The following DISP1 variants were observed in gnomAD, a reference collection of about 807,000 sequenced individuals.
DISP1 encodes the protein protein dispatched homolog 1.
Under a neutral mutation model 37.3 loss-of-function variants are expected in DISP1, and 30 were observed. That is an observed-to-expected ratio of 0.80 (90% confidence interval 0.60 to 1.09). DISP1 has a LOEUF of 1.09. Among genes scored for constraint, DISP1 ranks in the 50% least tolerant of loss-of-function variants. The probability of loss-of-function intolerance (pLI) is 0.00; values close to 1 mark genes in which losing one functional copy is unlikely to be tolerated. For missense variants in DISP1, 1,598 were observed against 1,879.5 expected (o/e 0.85, Z 2.77); for synonymous variants, 634 against 690.2 (o/e 0.92, Z 1.28).
intron 3 of DISP1, among the ~76,000 whole-genome samples, chr1:222,951,233 A>G (rs1284910317): frequency 6.6e-6 from 1 of 152,150 alleles, no homozygotes; most frequent in Non-Finnish European, 1.5e-5. Flanking sequence ...TTATGACTGT[A>G]TAATTTTTAT....
Position 223,005,901 on chromosome 1 carries a change from G to A in DISP1, c.4504G>A (p.Glu1502Lys). The A allele has an allele frequency of 6.2e-7, 1 of 1,614,168 alleles. No homozygotes were observed. The highest frequency in any genetic ancestry group is 8.5e-7 in the Non-Finnish European group (1 of 1,180,048). ...NSVDCQMPNMEANVPAVLTHS... is the reference protein window; with the variant it reads ...NSVDCQMPNMKANVPAVLTHS... ...TGTGGACTGTCAAATGCCAAACATG[G>A]AAGCCAATGTGCCTGCTGTATTAAC... The change falls in exon 9 of 9, where the codon GAA becomes AAA. Residue 1502 changes from glutamate (E) to lysine (K), a missense_variant. Physicochemically the swap from Glu to Lys is moderately conservative, Grantham distance 56. Transcript: ENST00000675850.
rs76432300 is a variant in DISP1, at chr1:222,917,898, G to A, written c.-158-10532G>A. On this transcript the variant is annotated intron_variant, in intron 1 of 8. Transcript: ENST00000675850. ...GCCTATTTGGTAGTTGATCCAAGGG[G>A]ACTAAAGTGGGAAAATGTCATAAGT... 7.6e-3 allele frequency among the ~76,000 whole-genome samples: 1,150 copies of A among 152,238 alleles called. 6 individuals are homozygous for A. The highest frequency in any genetic ancestry group is 0.013 in the Non-Finnish European group (901 of 68,026).
At chr1:222,877,002 T>C (rs758232051) in intron 1 of DISP1, among the ~76,000 whole-genome samples, 6 of 152,186 alleles carry the variant, frequency 3.9e-5, no homozygotes, top group Non-Finnish European at 8.8e-5. Context: ...TATGAACATG[T>C]TGTGAAAACA....
At position 222,856,893 on chromosome 1, in the gene DISP1, G is replaced by A. The variant is rs147483940; in HGVS notation, c.-159+41815G>A. Reference sequence around the variant, plus strand: ...TACTTTTTGTATTTTAAGTAGAGATGGGGTTTCACCATGTTGGCCAGGCTA... The same window carrying A: ...TACTTTTTGTATTTTAAGTAGAGATAGGGTTTCACCATGTTGGCCAGGCTA... On this transcript the variant is annotated intron_variant, in intron 1 of 8. Coordinates refer to ENST00000675850, the MANE Select transcript of DISP1 (RefSeq NM_001377229.1). Among the ~76,000 whole-genome samples the A allele has an allele frequency of 1.4e-3, 213 of 151,894 alleles. 1 individual carries two copies. Among genetic ancestry groups the A allele is most frequent in the African/African-American group, 4.9e-3 (205 of 41,446 alleles).
intron 1 of DISP1, chr1:222,827,238 G>A (rs1448507272): frequency 6.6e-6 from 1 of 152,132 alleles, no homozygotes; most frequent in East Asian, 1.9e-4. Context: ...GCCATTTGAA[G>A]TTTGTCTTAG....
chr1:222,836,458 T>A (rs1667064614), intron 1 of DISP1, among the ~76,000 whole-genome samples: 1 of 152,164 alleles, frequency 6.6e-6, no homozygotes, highest in South Asian at 2.1e-4. Flanking sequence ...AGACAAACTT[T>A]ATTTTCACTG....
At chr1:222,919,554 T>C (rs1672698171) in intron 1 of DISP1, among the ~76,000 whole-genome samples, 1 of 152,170 alleles carries the variant, frequency 6.6e-6, no homozygotes, top group South Asian at 2.1e-4. Flanking sequence ...AAACAGTTGC[T>C]TTTGTTTTAA....
intron 1 of DISP1, among the ~76,000 whole-genome samples, chr1:222,821,213 T>G (rs532233257): frequency 3.3e-5 from 5 of 152,218 alleles, no homozygotes; most frequent in Non-Finnish European, 7.3e-5. Flanking sequence ...TGTCTCCAAT[T>G]AATTCAGATG....
intron 3 of DISP1, among the ~76,000 whole-genome samples, chr1:222,953,681 T>C (rs1308293605): frequency 6.6e-6 from 1 of 152,242 alleles, no homozygotes; most frequent in African/African-American, 2.4e-5. Flanking sequence ...TCAAATTAAC[T>C]TTTTAAAAAG....
Position 223,003,584 on chromosome 1 carries a change from T to A in DISP1, c.2187T>A (p.Thr729=), listed in dbSNP as rs776955405. ...YLWLFWFLAL[T]VGGAYIVCIN... is the part of the protein sequence containing the mutation. ...GGCTGTTTTGGTTCCTTGCCTTAACTGTAGGTGGGGCCTACATTGTATGTA... is the reference window on the plus strand; with the variant it reads ...GGCTGTTTTGGTTCCTTGCCTTAACAGTAGGTGGGGCCTACATTGTATGTA... Residue 729 remains threonine, a synonymous_variant, in exon 9 of 9, where the codon ACT becomes ACA. Coordinates refer to ENST00000675850, the MANE Select transcript of DISP1 (RefSeq NM_001377229.1). The surrounding 1 kb of genome is among the most constrained non-coding windows in gnomAD (Gnocchi z 4.3). 5.6e-6 allele frequency: 9 copies of A among 1,614,260 alleles called. No homozygotes were observed. In the South Asian group the frequency reaches 7.7e-5, roughly 14 times the overall value.
chr1:222,932,418 A>G (rs1673455785), intron 2 of DISP1, among the ~76,000 whole-genome samples: 1 of 151,984 alleles, frequency 6.6e-6, no homozygotes. Context: ...TATTTAATGC[A>G]TACCTTAAGA....
intron 3 of DISP1, among the ~76,000 whole-genome samples, chr1:222,962,012 G>GTAA (rs1553336418): frequency 4.0e-5 from 6 of 149,154 alleles, no homozygotes; most frequent in African/African-American, 1.5e-4. Context: ...CTCAAAAAAA[G>GTAA]AAAAAAAAAG....
chr1:222,876,248 G>A (rs759939275), intron 1 of DISP1, among the ~76,000 whole-genome samples: 20 of 152,188 alleles, frequency 1.3e-4, no homozygotes, highest in Non-Finnish European at 2.8e-4. Context: ...AGGTATGGCT[G>A]TGGTCAGTCA....
intron 1 of DISP1, among the ~76,000 whole-genome samples, chr1:222,907,797 A>G (rs904550441): frequency 2.6e-5 from 4 of 152,130 alleles, no homozygotes. Context: ...TAAAAATATA[A>G]AAATCAGCCA....
At chr1:222,937,557 A>T (rs1674044478) in intron 2 of DISP1, among the ~76,000 whole-genome samples, 1 of 152,286 alleles carries the variant, frequency 6.6e-6, no homozygotes, top group East Asian at 1.9e-4. Flanking sequence ...AATCCTATGA[A>T]ATGTATATTT....
chr1:222,912,672 T>G (rs1672274626), intron 1 of DISP1, among the ~76,000 whole-genome samples: 1 of 152,174 alleles, frequency 6.6e-6, no homozygotes, highest in Non-Finnish European at 1.5e-5. Flanking sequence ...CTTAAAGGGG[T>G]TTCTTAAAGG....
intron 1 of DISP1, among the ~76,000 whole-genome samples, chr1:222,846,361 CAT>C (rs2125300147): frequency 6.6e-6 from 1 of 152,268 alleles, no homozygotes; most frequent in Admixed American, 6.5e-5. Flanking sequence ...TGTGGTGGCG[CAT>C]GCCTGTAATC....
At chr1:222,857,282 GAAA>G (rs1328719642) in intron 1 of DISP1, among the ~76,000 whole-genome samples, 1 of 151,768 alleles carries the variant, frequency 6.6e-6, no homozygotes, top group African/African-American at 2.4e-5. Context: ...AAAAGAAAAA[GAAA>G]AAAACTGTGA....
At chr1:222,969,616 G>A (rs1054967123) in intron 3 of DISP1, among the ~76,000 whole-genome samples, 2 of 151,640 alleles carry the variant, frequency 1.3e-5, no homozygotes, top group Admixed American at 1.3e-4. Flanking sequence ...GGAACATGTG[G>A]CTACTAAAAA....
Sources: allele counts gnomAD v4.1 joint callset (sites outside exome capture counted in the v4.1 genomes callset), GRCh38; gene constraint gnomAD v4.1.1; non-coding constraint Gnocchi (gnomAD v3.1); transcripts MANE v1.5; gene names NCBI Gene and HGNC (gene_info 2026-07-23, HGNC 2026-07-21).